Variants in SGCD observed in about 807,000 individuals in gnomAD.
The protein encoded by SGCD is sarcoglycan delta, also known as delta-sarcoglycan.
Under a neutral mutation model 36.6 loss-of-function variants are expected in SGCD, and 18 were observed. The observed-to-expected ratio is 0.49, with a 90% CI of 0.34 to 0.73. The LOEUF (loss-of-function observed/expected upper bound fraction) is 0.73. SGCD is among the 30% of genes least tolerant of loss of function. The pLI is 0.01. For missense variants in SGCD, 387 were observed against 346.7 expected, an observed-to-expected ratio of 1.12 and a Z score of -0.92; for synonymous variants, 133 against 130.6, an observed-to-expected ratio of 1.02 and a Z score of -0.12.
At chr5:155,819,669 C>G in the SGCD span, among the ~76,000 whole-genome samples, 1 of 152,112 alleles carries the variant, frequency 6.6e-6, no homozygotes, top group East Asian at 1.9e-4. Context: ...GAATTTGAAC[C>G]CAGGAAGTCC....
intron 3 of SGCD, among the ~76,000 whole-genome samples, chr5:156,266,424 A>G (rs1319799080): frequency 6.6e-6 from 1 of 152,220 alleles, no homozygotes; most frequent in East Asian, 1.9e-4. Flanking sequence ...GTTCAAAACC[A>G]TTTATGTCAT....
the SGCD span, among the ~76,000 whole-genome samples, chr5:155,766,792 A>G: frequency 1.3e-5 from 2 of 152,126 alleles, no homozygotes; most frequent in East Asian, 1.9e-4. Context: ...GCAAATTAAA[A>G]CCAAGGGAGT....
intron 3 of SGCD, among the ~76,000 whole-genome samples, chr5:156,306,983 T>C (rs1167462616): frequency 1.3e-5 from 2 of 152,060 alleles, no homozygotes; most frequent in East Asian, 3.8e-4. Context: ...TTTTTTCTGA[T>C]ATTAATATAA....
chr5:156,300,870 G>A (rs1767035323), intron 3 of SGCD, among the ~76,000 whole-genome samples: 2 of 151,802 alleles, frequency 1.3e-5, no homozygotes, highest in African/African-American at 4.8e-5. Flanking sequence ...TATAATCTTT[G>A]TCTTTTTTTA....
chr5:156,068,559 T>C (rs1169873364), intron 1 of SGCD, among the ~76,000 whole-genome samples: 2 of 151,858 alleles, frequency 1.3e-5, no homozygotes, highest in Non-Finnish European at 1.5e-5. Flanking sequence ...TCTTTGCTAT[T>C]GTGAATAGTG....
chr5:156,015,617 G>GTATATATATA (rs1374386976), intron 1 of SGCD, among the ~76,000 whole-genome samples: 13 of 151,170 alleles, frequency 8.6e-5, no homozygotes, highest in African/African-American at 2.9e-4. Flanking sequence ...ATGTGTGTGT[G>GTATATATATA]TGTATATATA....
intron 3 of SGCD, among the ~76,000 whole-genome samples, chr5:156,186,433 A>G (rs1487876570): frequency 6.6e-6 from 1 of 152,134 alleles, no homozygotes; most frequent in Non-Finnish European, 1.5e-5. Context: ...GCTTTCTCTC[A>G]TATCTTCTAA....
At chr5:156,035,686 G>A (rs1466220021) in intron 1 of SGCD, among the ~76,000 whole-genome samples, 1 of 152,138 alleles carries the variant, frequency 6.6e-6, no homozygotes, top group Non-Finnish European at 1.5e-5. Context: ...AATGGCAGAG[G>A]AGAAATGTAA....
At chr5:156,438,093 G>T (rs78312162) in intron 3 of SGCD, among the ~76,000 whole-genome samples, 1 of 152,174 alleles carries the variant, frequency 6.6e-6, no homozygotes, top group African/African-American at 2.4e-5. Flanking sequence ...AAGTATCTCC[G>T]TTAGGGTTTT....
At chr5:156,019,193 A>G (rs544984842) in intron 1 of SGCD, among the ~76,000 whole-genome samples, 20 of 152,372 alleles carry the variant, frequency 1.3e-4, no homozygotes, top group South Asian at 8.3e-4. Flanking sequence ...TCACATTGAA[A>G]GAGTGATGAA....
At chr5:156,583,759 T>C (rs1760378692) in intron 4 of SGCD, among the ~76,000 whole-genome samples, 1 of 152,246 alleles carries the variant, frequency 6.6e-6, no homozygotes, top group African/African-American at 2.4e-5. Flanking sequence ...AATAGATAAA[T>C]AGACAATAAG....
At chr5:155,875,591 G>A (rs1478157544) in intron 1 of SGCD, among the ~76,000 whole-genome samples, 1 of 151,642 alleles carries the variant, frequency 6.6e-6, no homozygotes, top group Non-Finnish European at 1.5e-5. Context: ...ACAATTTAAA[G>A]GCATTTCAAT....
chr5:156,437,485 G>A (rs1753293240), intron 3 of SGCD, among the ~76,000 whole-genome samples: 1 of 152,164 alleles, frequency 6.6e-6, no homozygotes, highest in Admixed American at 6.6e-5. Context: ...TATTATTAAA[G>A]AATGACAGAT....
At chr5:156,309,222 A>G (rs947231475) in intron 3 of SGCD, among the ~76,000 whole-genome samples, 2 of 152,090 alleles carry the variant, frequency 1.3e-5, no homozygotes, top group African/African-American at 2.4e-5. Flanking sequence ...TTCTTCAAGT[A>G]TGTTTTCTGC....
At chr5:156,082,982 T>C (rs1760998683) in intron 1 of SGCD, among the ~76,000 whole-genome samples, 1 of 152,182 alleles carries the variant, frequency 6.6e-6, no homozygotes, top group Admixed American at 6.6e-5. Context: ...TAGTGGTATC[T>C]CATTGTAGTT....
In SGCD at chr5:156,001,864, C is replaced by G. The variant is rs1212821221; in HGVS notation, c.-281-116014C>G. 3.3e-5 allele frequency among the ~76,000 whole-genome samples: 5 copies of G among 152,226 alleles called. No individual in the cohort carries two copies. In the East Asian group the frequency reaches 9.6e-4, roughly 29 times the overall value. On this transcript the variant is annotated intron_variant, in intron 1 of 9. Coordinates refer to the SGCD transcript ENST00000517913. ...AGGGCCACTGAGGGTGAAGGGCTGA[C>G]AGGAGAGCACTCCCAAGCAGCTGGC...
At chr5:156,501,273 A>G (rs1756439490) in intron 3 of SGCD, among the ~76,000 whole-genome samples, 1 of 152,210 alleles carries the variant, frequency 6.6e-6, no homozygotes, top group East Asian at 1.9e-4. Context: ...CAATGAGATT[A>G]TAAAAGACAG....
chr5:155,872,017 T>G, intron 1 of SGCD, among the ~76,000 whole-genome samples: 1 of 152,170 alleles, frequency 6.6e-6, no homozygotes, highest in Non-Finnish European at 1.5e-5. Flanking sequence ...GCAGTTGTGT[T>G]CAAGGGCAGC....
the SGCD span, among the ~76,000 whole-genome samples, chr5:155,775,053 C>T: frequency 6.6e-6 from 1 of 152,128 alleles, no homozygotes. Flanking sequence ...ATTCAGTGAT[C>T]TAAATTTAAT....
Sources: allele counts gnomAD v4.1 joint callset (sites outside exome capture counted in the v4.1 genomes callset), GRCh38; gene constraint gnomAD v4.1.1; transcripts MANE v1.5; gene names NCBI Gene and HGNC (gene_info 2026-07-23, HGNC 2026-07-21).